The following EYS variants were observed in gnomAD, a reference collection of about 807,000 sequenced individuals.
The protein encoded by EYS is protein eyes shut homolog.
A neutral mutation model predicts 282.1 loss-of-function variants in EYS; 250 were observed. The observed-to-expected ratio is 0.89, with a 90% CI of 0.80 to 0.98. The LOEUF (loss-of-function observed/expected upper bound fraction) is 0.98, where lower values mean the gene tolerates loss of function less well. Among genes scored for constraint, EYS ranks in the 50% least tolerant of loss-of-function variants. The probability of loss-of-function intolerance (pLI) is 0.00; values close to 1 mark genes in which losing one functional copy is unlikely to be tolerated. For missense variants in EYS, 4,016 were observed against 3,709.0 expected (o/e 1.08, Z -2.15); for synonymous variants, 1,355 against 1,282.9 (o/e 1.06, Z -1.20).
intron 12 of EYS, among the ~76,000 whole-genome samples, chr6:65,267,555 A>C (rs1220753290): frequency 1.3e-5 from 2 of 151,900 alleles, no homozygotes; most frequent in Non-Finnish European, 2.9e-5. Flanking sequence ...ACAATAACAT[A>C]TGTTTATATG....
chr6:65,097,539 C>A (rs1168282833), intron 12 of EYS, among the ~76,000 whole-genome samples: 5 of 150,862 alleles, frequency 3.3e-5, no homozygotes, highest in Admixed American at 2.6e-4. Context: ...GATGAAATAG[C>A]TGTGCTCTCA....
chr6:65,090,008 A>C (rs982248633), intron 12 of EYS, among the ~76,000 whole-genome samples: 17 of 106,214 alleles, frequency 1.6e-4, no homozygotes, highest in African/African-American at 4.8e-4. Context: ...CACACACACA[A>C]ACACACACAC....
At chr6:65,359,782 A>C (rs2150332591) in intron 8 of EYS, among the ~76,000 whole-genome samples, 1 of 152,100 alleles carries the variant, frequency 6.6e-6, no homozygotes, top group East Asian at 1.9e-4. Context: ...ATTTTACCAC[A>C]TATGTGAATT....
chr6:63,885,698 G>C (rs1029376738), intron 35 of EYS, among the ~76,000 whole-genome samples: 2 of 152,096 alleles, frequency 1.3e-5, no homozygotes, highest in African/African-American at 4.8e-5. Flanking sequence ...AGCAGAATCT[G>C]GGGGCATGGG....
intron 42 of EYS, among the ~76,000 whole-genome samples, chr6:63,723,482 A>G (rs1768487616): frequency 6.6e-6 from 1 of 152,142 alleles, no homozygotes; most frequent in Admixed American, 6.6e-5. Flanking sequence ...GTGTTCCTGT[A>G]GTAAACAATT....
intron 24 of EYS, among the ~76,000 whole-genome samples, chr6:64,614,262 T>C (rs1177024760): frequency 1.3e-5 from 2 of 152,160 alleles, no homozygotes; most frequent in Non-Finnish European, 2.9e-5. Flanking sequence ...CTGACACCTA[T>C]GGCTGTAGCA....
At chr6:64,037,216 G>T (rs984961490) in intron 33 of EYS, among the ~76,000 whole-genome samples, 1 of 152,094 alleles carries the variant, frequency 6.6e-6, no homozygotes, top group African/African-American at 2.4e-5. Context: ...AGAACATATT[G>T]GGAAGTAGAC....
chr6:64,576,490 A>G (rs896443267), intron 26 of EYS, among the ~76,000 whole-genome samples: 1 of 152,130 alleles, frequency 6.6e-6, no homozygotes, highest in African/African-American at 2.4e-5. Flanking sequence ...CCAGAGGGGG[A>G]AAAATACCAA....
chr6:64,003,880 C>A (rs554456023), intron 33 of EYS, among the ~76,000 whole-genome samples: 3 of 152,288 alleles, frequency 2.0e-5, no homozygotes, highest in Admixed American at 2.0e-4. Context: ...ACTTCTCCTT[C>A]CTGCCATCAC....
chr6:65,114,853 G>A (rs1010764121), intron 12 of EYS, among the ~76,000 whole-genome samples: 12 of 151,674 alleles, frequency 7.9e-5, no homozygotes, highest in South Asian at 4.2e-4. Context: ...ACAATTATAC[G>A]CCCTCTATTT....
intron 26 of EYS, among the ~76,000 whole-genome samples, chr6:64,568,370 A>G (rs956559027): frequency 1.3e-5 from 2 of 152,212 alleles, no homozygotes. Context: ...TAAAGGGAGG[A>G]GAAAAATCAG....
intron 22 of EYS, among the ~76,000 whole-genome samples, chr6:64,801,984 A>G (rs1414377076): frequency 1.3e-5 from 2 of 148,530 alleles, no homozygotes; most frequent in African/African-American, 5.0e-5. Flanking sequence ...AAATGGGGAT[A>G]CTAATTTGTT....
intron 1 of EYS, among the ~76,000 whole-genome samples, chr6:65,692,805 A>G (rs2149845807): frequency 6.7e-6 from 1 of 150,194 alleles, no homozygotes. Context: ...TGGAAAGACA[A>G]TTTTCAATAC....
At chr6:63,875,746 A>T (rs1197573672) in intron 35 of EYS, among the ~76,000 whole-genome samples, 1 of 152,166 alleles carries the variant, frequency 6.6e-6, no homozygotes, top group African/African-American at 2.4e-5. Flanking sequence ...TAGATTTTCT[A>T]GTTTATTTGC....
At chr6:65,360,725 AT>A (rs1764669922) in intron 8 of EYS, among the ~76,000 whole-genome samples, 1 of 152,166 alleles carries the variant, frequency 6.6e-6, no homozygotes. Flanking sequence ...AAAAGTTTAA[AT>A]TACGGCATCC....
At position 64,832,087 on chromosome 6, in the gene EYS, G is replaced by T. The variant is rs1433991425; in HGVS notation, c.2993-9265C>A. Among the ~76,000 whole-genome samples the T allele has an allele frequency of 1.3e-5, 2 of 151,826 alleles. 1 individual carries two copies. The highest frequency in any genetic ancestry group is 1.3e-4 in the Admixed American group (2 of 15,198). On this transcript the variant is annotated intron_variant, in intron 19 of 42. Coordinates refer to ENST00000503581, the MANE Select transcript of EYS (RefSeq NM_001142800.2). ...GAAGTAACAGTTTATAGATGAGTCG[G>T]ACTTCTGTTCTAATTAATACATAAT...
chr6:65,500,616 C>T (rs1766416422), intron 2 of EYS, among the ~76,000 whole-genome samples: 1 of 151,972 alleles, frequency 6.6e-6, no homozygotes, highest in Non-Finnish European at 1.5e-5. Flanking sequence ...ATCTCATTTA[C>T]TACATCAACT....
In EYS at chr6:65,456,001, A is replaced by T. The variant is rs376939945; in HGVS notation, c.862+34593T>A. Among the ~76,000 whole-genome samples, 7 of 147,316 alleles carry T rather than the reference A, an allele frequency of 4.8e-5. No homozygotes were observed. In the South Asian group the frequency reaches 1.5e-3, roughly 32 times the overall value. ...AAAGAAAGAAAGAGAGAGAGAAAGA[A>T]AAAGAAAGAAAGAAGGAAGGAAGGA... is the stretch of plus-strand genomic sequence containing the variant. On this transcript the variant is annotated intron_variant, in intron 5 of 42. Transcript: ENST00000503581.
At chr6:64,891,252 A>C (rs1045571634) in intron 18 of EYS, among the ~76,000 whole-genome samples, 3 of 152,138 alleles carry the variant, frequency 2.0e-5, no homozygotes, top group South Asian at 4.1e-4. Context: ...ACTTTCCACC[A>C]CACTAAACAA....
Sources: allele counts gnomAD v4.1 joint callset (sites outside exome capture counted in the v4.1 genomes callset), GRCh38; gene constraint gnomAD v4.1.1; transcripts MANE v1.5; gene names NCBI Gene and HGNC (gene_info 2026-07-23, HGNC 2026-07-21).